DOCK1: variants seen among roughly 807,000 people sequenced by gnomAD.
The protein encoded by DOCK1 is dedicator of cytokinesis protein 1.
DOCK1 carries 138 observed loss-of-function variants against 262.7 expected under a neutral mutation model. That is an observed-to-expected ratio of 0.53 (90% CI 0.46 to 0.61). DOCK1 has a LOEUF of 0.61. DOCK1 is among the 20% of genes least tolerant of loss of function. DOCK1 has a pLI of 0.00. For synonymous variants in DOCK1, 866 were observed against 867.4 expected (o/e 1.00, Z 0.03); for missense variants, 1,908 against 2,370.7 (o/e 0.80, Z 4.05).
chr10:127,074,559 A>G (rs2046406190), intron 23 of DOCK1, among the ~76,000 whole-genome samples: 2 of 152,238 alleles, frequency 1.3e-5, no homozygotes, highest in Admixed American at 6.5e-5. Context: ...TATACATTCA[A>G]TATGGTACAT....
intron 23 of DOCK1, 131 bp from the exon 24 acceptor site, chr10:127,106,100 C>A: frequency 2.2e-6 from 2 of 894,742 alleles, no homozygotes; most frequent in South Asian, 1.8e-5. Flanking sequence ...TCGTGTTAGC[C>A]GTCAGCCCCT....
intron 29 of DOCK1, among the ~76,000 whole-genome samples, chr10:127,301,512 TGAG>T (rs964016675): frequency 6.6e-6 from 1 of 152,210 alleles, no homozygotes; most frequent in African/African-American, 2.4e-5. Context: ...GCTATTGTCA[TGAG>T]GAGAACAGGA....
chr10:126,993,610 A>T (rs1271285160), intron 6 of DOCK1, among the ~76,000 whole-genome samples: 1 of 152,206 alleles, frequency 6.6e-6, no homozygotes, highest in Non-Finnish European at 1.5e-5. Flanking sequence ...TTTTCTCCAG[A>T]TGTCTTTCTG....
chr10:127,213,725 G>A (rs1265933897), intron 27 of DOCK1, among the ~76,000 whole-genome samples: 1 of 152,214 alleles, frequency 6.6e-6, no homozygotes, highest in Non-Finnish European at 1.5e-5. Context: ...CAGCGTTCCA[G>A]GAAACACACT....
intron 1 of DOCK1, among the ~76,000 whole-genome samples, chr10:126,910,776 C>T (rs1230896385): frequency 6.6e-6 from 1 of 152,158 alleles, no homozygotes; most frequent in African/African-American, 2.4e-5. Context: ...TTTGCCTGTT[C>T]TGTGTTTTTA....
At chr10:127,261,523 A>C (rs1411091548) in intron 29 of DOCK1, among the ~76,000 whole-genome samples, 3 of 86,766 alleles carry the variant, frequency 3.5e-5, no homozygotes, top group African/African-American at 1.4e-4. Flanking sequence ...GTGTACCTGC[A>C]TGTGTGTGCA....
chr10:126,968,236 C>T (rs2037827279), intron 1 of DOCK1, among the ~76,000 whole-genome samples: 1 of 152,144 alleles, frequency 6.6e-6, no homozygotes. Flanking sequence ...GCTCCTCTCT[C>T]CTACTCCCTT....
At position 127,100,122 on chromosome 10, in the gene DOCK1, G is replaced by A. The variant is rs141131659; in HGVS notation, c.2446-6109G>A. Among the ~76,000 whole-genome samples the A allele has an allele frequency of 2.6e-4, 39 of 152,276 alleles. No homozygotes were observed. The highest frequency in any genetic ancestry group is 4.4e-4 in the Non-Finnish European group (30 of 68,022). ...TCCCTGTGTCCCATGAGCAGGGGAC[G>A]TTGCCACAGTATCTAAATTCCATTT... On this transcript the variant is annotated intron_variant, in intron 23 of 51. Coordinates refer to ENST00000623213, the MANE Select transcript of DOCK1 (RefSeq NM_001290223.2). The surrounding 1 kb of genome is among the most constrained non-coding windows in gnomAD (Gnocchi z 5.5).
At chr10:126,936,119 T>G (rs971074292) in intron 1 of DOCK1, among the ~76,000 whole-genome samples, 190 of 152,318 alleles carry the variant, frequency 1.2e-3, no homozygotes, top group Non-Finnish European at 2.4e-3. Flanking sequence ...TAATTGGGAC[T>G]ACAGGTGCAC....
At position 127,031,699 on chromosome 10, in the gene DOCK1, G is replaced by A. The variant is rs753313500; in HGVS notation, c.1674G>A (p.Met558Ile). 3.1e-6 allele frequency: 5 copies of A among 1,613,196 alleles called. No individual in the cohort carries two copies. Among genetic ancestry groups the A allele is most frequent in the Non-Finnish European group, 4.2e-6 (5 of 1,179,818 alleles). Reference sequence around the variant, plus strand: ...TTGCACTAGCATTTGTCAAGCTGATGAGATACGATGGTACCACCCTGCGAG... The same window carrying A: ...TTGCACTAGCATTTGTCAAGCTGATAAGATACGATGGTACCACCCTGCGAG... ...KIFALAFVKL[M>I]RYDGTTLRDG... Residue 558 changes from methionine (M) to isoleucine (I), a missense_variant, in exon 17 of 52, where the codon ATG (methionine) becomes ATA (isoleucine). Coordinates refer to ENST00000623213, the MANE Select transcript of DOCK1 (RefSeq NM_001290223.2).
At chr10:127,243,063 A>C (rs2134717960) in intron 27 of DOCK1, among the ~76,000 whole-genome samples, 1 of 152,316 alleles carries the variant, frequency 6.6e-6, no homozygotes, top group Non-Finnish European at 1.5e-5. Context: ...CTTTGTACAA[A>C]GTGTGAGCTC....
intron 29 of DOCK1, among the ~76,000 whole-genome samples, chr10:127,303,532 A>G (rs959053383): frequency 1.3e-5 from 2 of 151,106 alleles, no homozygotes; most frequent in Non-Finnish European, 3.0e-5. Context: ...TAAAAAAAAG[A>G]AAAAAAAAGG....
At chr10:127,383,506 G>A (rs905283654) in intron 37 of DOCK1, among the ~76,000 whole-genome samples, 1 of 152,226 alleles carries the variant, frequency 6.6e-6, no homozygotes, top group African/African-American at 2.4e-5. Flanking sequence ...ATTTTAAGGT[G>A]AAAAATCTTG....
rs775366316 is a variant in DOCK1 at position 127,188,060 on chromosome 10, G to A, written c.2848-59948G>A. The stretch of plus-strand genomic sequence containing the variant: ...TGACTGAACGAAGGGCTTAATGAAT[G>A]AGTGAATGTCACGGGGGAGCAGGGA... On this transcript the variant is annotated intron_variant, in intron 27 of 51. Transcript: ENST00000623213. Among the ~76,000 whole-genome samples, 13 of 152,194 alleles carry A rather than the reference G, an allele frequency of 8.5e-5. 1 individual carries two copies. The highest frequency in any genetic ancestry group is 1.5e-4 in the Non-Finnish European group (10 of 68,038).
intron 29 of DOCK1, among the ~76,000 whole-genome samples, chr10:127,298,900 A>G (rs576277780): frequency 1.3e-5 from 2 of 152,286 alleles, no homozygotes; most frequent in South Asian, 4.1e-4. Flanking sequence ...TTTTATTCAT[A>G]AAGTAATTCG....
chr10:127,440,988 A>G (rs2070084874), intron 49 of DOCK1, among the ~76,000 whole-genome samples: 1 of 152,234 alleles, frequency 6.6e-6, no homozygotes, highest in African/African-American at 2.4e-5. Flanking sequence ...TAGATTTCTC[A>G]AGTCTCAAAA....
intron 33 of DOCK1, among the ~76,000 whole-genome samples, chr10:127,364,469 TGATTCTCCTG>T (rs2064784079): frequency 6.6e-6 from 1 of 152,096 alleles, no homozygotes; most frequent in East Asian, 1.9e-4. Flanking sequence ...CGGGTTCAAG[TGATTCTCCTG>T]CCTCAGCCTC....
At chr10:127,270,761 C>G (rs1263057875) in intron 29 of DOCK1, among the ~76,000 whole-genome samples, 1 of 152,090 alleles carries the variant, frequency 6.6e-6, no homozygotes, top group East Asian at 1.9e-4. Flanking sequence ...TTTTACACGT[C>G]CCTGTCCCCC....
In DOCK1 at chr10:127,023,291, G is replaced by A. The variant is rs774321974; in HGVS notation, c.1419G>A (p.Val473=). The A allele has an allele frequency of 1.6e-5, 26 of 1,613,952 alleles. No individual in the cohort carries two copies. Among genetic ancestry groups the A allele is most frequent in the Middle Eastern group, 3.3e-4 (2 of 6,062 alleles). ...CAGCGAAGAACGTGGAGGTCACGGTGTCTGTGTACGATGAGGATGGGAAAC... is the reference window on the plus strand; with the variant it reads ...CAGCGAAGAACGTGGAGGTCACGGTATCTGTGTACGATGAGGATGGGAAAC... ...KTTAKNVEVT[V]SVYDEDGKRL... The change falls in exon 14 of 52, where the codon GTG becomes GTA. Residue 473 remains valine, a synonymous_variant. Coordinates refer to ENST00000623213, the MANE Select transcript of DOCK1 (RefSeq NM_001290223.2).
Sources: gnomAD v4.1 joint callset for allele counts (sites outside exome capture counted in the v4.1 genomes callset) on GRCh38, gnomAD v4.1.1 for gene constraint, Gnocchi (gnomAD v3.1) non-coding constraint, MANE v1.5 for transcripts, NCBI Gene and HGNC (gene_info 2026-07-23, HGNC 2026-07-21) for gene names.